Variants in C6 observed in about 807,000 individuals in gnomAD.
The protein encoded by C6 is complement component C6.
C6 carries 101 observed loss-of-function variants against 112.9 expected under a neutral mutation model. That is an observed-to-expected ratio of 0.89 (90% confidence interval 0.76 to 1.06). The LOEUF is 1.06. Among genes scored for constraint, C6 ranks in the 50% least tolerant of loss-of-function variants. The pLI, the probability that C6 is intolerant of heterozygous loss-of-function variation, is 0.00. For synonymous variants in C6, 431 were observed against 384.1 expected (o/e 1.12, Z -1.43); for missense variants, 1,202 against 1,104.6 (o/e 1.09, Z -1.25).
At chr5:41,217,674 G>T (rs1272843525), upstream of C6, among the ~76,000 whole-genome samples, 1 of 152,116 alleles carries the variant, frequency 6.6e-6, no homozygotes, top group Non-Finnish European at 1.5e-5. Context: ...CTACAATTTA[G>T]TCTCCAAATC....
chr5:41,211,559 A>C (rs2150392628), intron 1 of C6, among the ~76,000 whole-genome samples: 1 of 152,024 alleles, frequency 6.6e-6, no homozygotes, highest in South Asian at 2.1e-4. Context: ...TGAGTCCCAA[A>C]CATTTGGGAG....
chr5:41,145,668 A>C (rs1745751917), intron 17 of C6, among the ~76,000 whole-genome samples: 1 of 152,206 alleles, frequency 6.6e-6, no homozygotes. Flanking sequence ...GGTAGGAAAC[A>C]TTTTATGGAA....
intron 6 of C6, among the ~76,000 whole-genome samples, chr5:41,183,778 T>C (rs370330343): frequency 1.3e-5 from 2 of 152,182 alleles, no homozygotes; most frequent in Admixed American, 1.3e-4. Context: ...GGTACATATG[T>C]GCCATGGAAT....
At chr5:41,192,905 T>C (rs73753123) in intron 5 of C6, among the ~76,000 whole-genome samples, 3,707 of 152,274 alleles carry the variant, frequency 0.024, 162 homozygotes, top group African/African-American at 0.084. Context: ...TGATATCTAA[T>C]ATGTACAAAG....
At chr5:41,251,758 G>A (rs551793324) in intron 1 of C6, among the ~76,000 whole-genome samples, 3 of 152,296 alleles carry the variant, frequency 2.0e-5, no homozygotes, top group South Asian at 2.1e-4. Context: ...ACTAGGCTGC[G>A]TGTGCCTTCC....
At chr5:41,217,674 G>A (rs1272843525), upstream of C6, among the ~76,000 whole-genome samples, 1 of 152,116 alleles carries the variant, frequency 6.6e-6, no homozygotes, top group Non-Finnish European at 1.5e-5. Flanking sequence ...CTACAATTTA[G>A]TCTCCAAATC....
At chr5:41,193,987 A>C (rs1750418698) in intron 5 of C6, among the ~76,000 whole-genome samples, 2 of 152,122 alleles carry the variant, frequency 1.3e-5, no homozygotes, top group Non-Finnish European at 2.9e-5. Flanking sequence ...TCACTGGGAC[A>C]ACAGCTCTGG....
chr5:41,249,890 C>CAA (rs113030790), intron 1 of C6, among the ~76,000 whole-genome samples: 1,526 of 152,086 alleles, frequency 0.01, 33 homozygotes, highest in African/African-American at 0.035. Flanking sequence ...AAATGTGTTT[C>CAA]AGAGTCATGT....
rs543035774 is a variant in C6, at chr5:41,225,491, AAGTCTTTGCTATTGTGAAT to A, written c.-20-22260_-20-22242del. ...ATTGTTGGACATTTGGGTTGGTTCC[AAGTCTTTGCTATTGTGAAT>A]AGTGCCGCAATAAACATACGAATGC... On this transcript the variant is annotated intron_variant, in intron 1 of 17. Coordinates refer to the C6 transcript ENST00000263413. 4.2e-3 allele frequency among the ~76,000 whole-genome samples: 635 copies of A among 152,244 alleles called. 6 individuals carry two copies. Among genetic ancestry groups the A allele is most frequent in the African/African-American group, 0.015 (609 of 41,522 alleles).
intron 1 of C6, among the ~76,000 whole-genome samples, chr5:41,211,709 C>T (rs1435936939): frequency 1.3e-5 from 2 of 152,098 alleles, no homozygotes; most frequent in Non-Finnish European, 2.9e-5. Context: ...GCAAGAAAAA[C>T]TAAATAGATA....
In C6 at chr5:41,203,171, T is replaced by G. The variant is rs2150369475; in HGVS notation, c.60A>C (p.Gln20His). 1 of 1,614,096 alleles carries G rather than the reference T, an allele frequency of 6.2e-7. No individual in the cohort carries two copies. Among genetic ancestry groups the G allele is most frequent in the East Asian group, 2.2e-5 (1 of 44,874 alleles). Residue 20 changes from glutamine (Q) to histidine (H), a missense_variant, in exon 2 of 18, where the codon CAA (glutamine) becomes CAC (histidine). Coordinates refer to ENST00000337836, the MANE Select transcript of C6 (RefSeq NM_000065.5). ...ILLNALINKGQACFCDHYAWT... is the reference protein window; with the variant it reads ...ILLNALINKGHACFCDHYAWT... ...ATGCATAGTGATCACAGAAGCAGGC[T>G]TGGCCCTTGTTGATCAGAGCATTCA...
At chr5:41,209,682 G>A (rs1751735245) in intron 1 of C6, among the ~76,000 whole-genome samples, 1 of 152,118 alleles carries the variant, frequency 6.6e-6, no homozygotes, top group Admixed American at 6.5e-5. Flanking sequence ...CCTCTTCAAG[G>A]AGAACTACAA....
At chr5:41,253,385 C>A (rs980369250) in intron 1 of C6, among the ~76,000 whole-genome samples, 1 of 152,146 alleles carries the variant, frequency 6.6e-6, no homozygotes, top group Non-Finnish European at 1.5e-5. Context: ...TCTCATAAAT[C>A]TCTCTCTGTG....
intron 1 of C6, among the ~76,000 whole-genome samples, chr5:41,239,070 A>G (rs1030418152): frequency 6.8e-6 from 1 of 147,894 alleles, no homozygotes; most frequent in African/African-American, 2.5e-5. Context: ...TATTTTGGGT[A>G]TTCATCATCT....
chr5:41,186,102 C>T lies in C6; in HGVS notation c.694G>A (p.Val232Ile). 6 of 1,613,998 alleles carry T rather than the reference C, an allele frequency of 3.7e-6. No individual in the cohort carries two copies. Among genetic ancestry groups the T allele is most frequent in the Non-Finnish European group, 4.2e-6 (5 of 1,179,932 alleles). ...KSSRTSNPYRVPANLENVGFE... is the reference protein window; with the variant it reads ...KSSRTSNPYRIPANLENVGFE... The stretch of plus-strand genomic sequence containing the variant: ...CCGACATTTTCCAGATTGGCCGGAA[C>T]ACGGTATGGATTACTTGTCCTACTG... Residue 232 changes from valine to isoleucine, a missense_variant, in exon 6 of 18, where the codon GTT (valine) becomes ATT (isoleucine). Coordinates refer to ENST00000337836, the MANE Select transcript of C6 (RefSeq NM_000065.5).
chr5:41,238,610 ATGACCAG>A (rs1740482318), intron 1 of C6, among the ~76,000 whole-genome samples: 5 of 152,356 alleles, frequency 3.3e-5, no homozygotes, highest in African/African-American at 1.2e-4. Flanking sequence ...GAGGTGAGAC[ATGACCAG>A]TGTTGTGCTG....
At chr5:41,199,368 C>T (rs1348219388) in intron 4 of C6, among the ~76,000 whole-genome samples, 1 of 152,054 alleles carries the variant, frequency 6.6e-6, no homozygotes, top group African/African-American at 2.4e-5. Flanking sequence ...TATAGCCATG[C>T]TCATTTGTGT....
chr5:41,155,563 C>A lies in C6; in HGVS notation c.1969-459G>T, dbSNP rs72753970. On this transcript the variant is annotated intron_variant, in intron 13 of 17. Transcript: ENST00000337836. ...AGTAGCCAGACAGTATTTTCTGTCT[C>A]CACAAAAATACAGAAAAGTAGCGAG... Among the ~76,000 whole-genome samples the A allele has an allele frequency of 1.2e-3, 180 of 152,070 alleles. 1 individual carries two copies. The highest frequency in any genetic ancestry group is 5.0e-4 in the Non-Finnish European group (34 of 67,982).
intron 3 of C6, 90 bp from the exon 4 acceptor site, chr5:41,200,002 G>T (rs1358579667): frequency 7.0e-6 from 8 of 1,135,258 alleles, no homozygotes; most frequent in Non-Finnish European, 1.1e-5. Flanking sequence ...TCACAACAGT[G>T]ATTTTTCCTA....
Sources: allele counts gnomAD v4.1 joint callset (sites outside exome capture counted in the v4.1 genomes callset), GRCh38; gene constraint gnomAD v4.1.1; transcripts MANE v1.5; gene names NCBI Gene and HGNC (gene_info 2026-07-23, HGNC 2026-07-21).